Variants in CRIM1 observed in about 807,000 individuals in gnomAD.
The protein encoded by CRIM1 is cysteine rich transmembrane BMP regulator 1, also known as cysteine-rich motor neuron 1 protein.
Under a neutral mutation model 116.4 loss-of-function variants are expected in CRIM1, and 32 were observed. The ratio of observed to expected loss-of-function variants is 0.27; its 90% CI spans 0.21 to 0.37. The LOEUF (loss-of-function observed/expected upper bound fraction) is 0.37, where lower values mean the gene tolerates loss of function less well. Ranked by LOEUF, CRIM1 falls within the 10% of genes least tolerant of loss-of-function variation. The probability of loss-of-function intolerance (pLI) is 1.00; values close to 1 mark genes in which losing one functional copy is unlikely to be tolerated. For synonymous variants in CRIM1, 590 were observed against 509.2 expected, an observed-to-expected ratio of 1.16 and a Z score of -2.13; for missense variants, 1,331 against 1,354.8, an observed-to-expected ratio of 0.98 and a Z score of 0.28.
chr2:36,491,593 C>A (rs559710420), intron 7 of CRIM1, among the ~76,000 whole-genome samples: 1 of 152,120 alleles, frequency 6.6e-6, no homozygotes, highest in Admixed American at 6.6e-5. Context: ...AGATGTCTTT[C>A]GTTTTCCCGT....
chr2:36,413,284 A>G (rs1263687548), intron 2 of CRIM1, among the ~76,000 whole-genome samples: 1 of 152,204 alleles, frequency 6.6e-6, no homozygotes, highest in South Asian at 2.1e-4. Context: ...ACTTTGAAAT[A>G]TGTAAGCCCT....
chr2:36,383,236 C>A (rs971120455), intron 1 of CRIM1, among the ~76,000 whole-genome samples: 2 of 152,172 alleles, frequency 1.3e-5, no homozygotes. Context: ...TTATTTTCTA[C>A]ATGTGTATGT....
At chr2:36,471,406 T>A (rs1411299027) in intron 5 of CRIM1, among the ~76,000 whole-genome samples, 1 of 152,124 alleles carries the variant, frequency 6.6e-6, no homozygotes, top group Non-Finnish European at 1.5e-5. Context: ...TTGTGTTATT[T>A]AAAGAAATTG....
intron 2 of CRIM1, among the ~76,000 whole-genome samples, chr2:36,397,593 T>G (rs1172102620): frequency 6.6e-6 from 1 of 152,112 alleles, no homozygotes; most frequent in Non-Finnish European, 1.5e-5. Context: ...CTCTTATCTC[T>G]AAAATGATGT....
intron 15 of CRIM1, among the ~76,000 whole-genome samples, chr2:36,545,947 T>A (rs1369922112): frequency 6.6e-6 from 1 of 152,190 alleles, no homozygotes; most frequent in Non-Finnish European, 1.5e-5. Context: ...TATTGCCATC[T>A]GCACTGGCTA....
At chr2:36,513,427 C>G (rs1231217279) in intron 10 of CRIM1, 129 bp from the exon 11 acceptor site, 4 of 693,728 alleles carry the variant, frequency 5.8e-6, no homozygotes, top group African/African-American at 1.8e-5. Flanking sequence ...TGAACATGTC[C>G]CATGTCACAA....
intron 6 of CRIM1, among the ~76,000 whole-genome samples, chr2:36,478,184 C>T (rs1431976845): frequency 1.3e-5 from 2 of 152,228 alleles, no homozygotes; most frequent in East Asian, 1.9e-4. Flanking sequence ...GCATTCCTAA[C>T]ATAGTTCATA....
intron 4 of CRIM1, among the ~76,000 whole-genome samples, chr2:36,447,196 A>G (rs1241893185): frequency 1.3e-5 from 2 of 152,232 alleles, no homozygotes; most frequent in Non-Finnish European, 2.9e-5. Flanking sequence ...TTTCCTTGGT[A>G]CAAGAGACAG....
At chr2:36,507,165 C>A (rs1452923969) in intron 8 of CRIM1, among the ~76,000 whole-genome samples, 1 of 152,134 alleles carries the variant, frequency 6.6e-6, no homozygotes, top group Non-Finnish European at 1.5e-5. Context: ...TCAGTCTCCT[C>A]TTTATTTAAA....
intron 1 of CRIM1, among the ~76,000 whole-genome samples, chr2:36,391,370 C>A (rs538451076): frequency 3.4e-5 from 5 of 147,078 alleles, no homozygotes; most frequent in African/African-American, 7.6e-5. Flanking sequence ...CCTCGTGATC[C>A]GCCCATCTCG....
intron 15 of CRIM1, among the ~76,000 whole-genome samples, chr2:36,545,884 T>C (rs1667287458): frequency 6.6e-6 from 1 of 152,172 alleles, no homozygotes; most frequent in Non-Finnish European, 1.5e-5. Context: ...ATCAATAAAA[T>C]GTTACTCTTT....
intron 7 of CRIM1, among the ~76,000 whole-genome samples, chr2:36,493,820 A>G (rs1039347311): frequency 6.6e-6 from 1 of 152,254 alleles, no homozygotes; most frequent in African/African-American, 2.4e-5. Flanking sequence ...TACCTGAAAT[A>G]TAAAAATTAT....
chr2:36,427,636 G>T (rs1377960906), intron 2 of CRIM1, among the ~76,000 whole-genome samples: 1 of 152,192 alleles, frequency 6.6e-6, no homozygotes, highest in Non-Finnish European at 1.5e-5. Context: ...CCTCTGGCTG[G>T]ACTTCATCTT....
intron 4 of CRIM1, among the ~76,000 whole-genome samples, chr2:36,448,651 TGAC>T (rs1482343868): frequency 1.9e-5 from 1 of 52,486 alleles, no homozygotes; most frequent in Non-Finnish European, 3.4e-5. Flanking sequence ...TTTTTATTAT[TGAC>T]AAGTCACCTA....
At chr2:36,460,321 A>C (rs1443050492) in intron 4 of CRIM1, among the ~76,000 whole-genome samples, 1 of 152,202 alleles carries the variant, frequency 6.6e-6, no homozygotes, top group East Asian at 1.9e-4. Flanking sequence ...TATATGAACT[A>C]TCCAGAATTG....
chr2:36,456,259 C>A (rs1677122331), intron 4 of CRIM1, among the ~76,000 whole-genome samples: 1 of 152,152 alleles, frequency 6.6e-6, no homozygotes, highest in South Asian at 2.1e-4. Context: ...CCCTGTGTAT[C>A]CCCAGCCGCA....
intron 2 of CRIM1, among the ~76,000 whole-genome samples, chr2:36,419,574 T>C (rs1206881588): frequency 1.3e-5 from 2 of 152,188 alleles, no homozygotes; most frequent in African/African-American, 2.4e-5. Context: ...CAGCCCTTAC[T>C]TACCACATTG....
chr2:36,465,069 C>T (rs1677893459), intron 5 of CRIM1, among the ~76,000 whole-genome samples: 1 of 152,232 alleles, frequency 6.6e-6, no homozygotes, highest in Non-Finnish European at 1.5e-5. Flanking sequence ...AAAAACATGG[C>T]TCATCTTGTT....
Position 36,477,137 on chromosome 2 carries a change from C to A in CRIM1, c.1174+66C>A, listed in dbSNP as rs140782004. On this transcript the variant is annotated intron_variant, in intron 6 of 16. Transcript: ENST00000280527. The stretch of plus-strand genomic sequence containing the variant: ...TGGTATAGAGTTCTAAAATCAAAAT[C>A]GTCCTAATTCAGTCTCATCCAAAAG... 8 of 1,288,518 alleles carry A rather than the reference C, an allele frequency of 6.2e-6. 1 individual carries two copies. Among genetic ancestry groups the A allele is most frequent in the Non-Finnish European group, 7.4e-6 (7 of 945,414 alleles). The allele number at this position is 1,288,518 out of a possible 1,614,324, so 79.8% of individuals were successfully genotyped here. A position where few individuals can be genotyped will look rare whatever the true frequency, so the allele number is the denominator to read the frequency against.
Sources: gnomAD v4.1 joint callset for allele counts (sites outside exome capture counted in the v4.1 genomes callset) on GRCh38, gnomAD v4.1.1 for gene constraint, MANE v1.5 for transcripts, NCBI Gene and HGNC (gene_info 2026-07-23, HGNC 2026-07-21) for gene names.